Variants in ADAMTS6 observed in about 807,000 individuals in gnomAD.
ADAMTS6 encodes ADAM metallopeptidase with thrombospondin type 1 motif 6.
Under a neutral mutation model 144.3 loss-of-function variants are expected in ADAMTS6, and 23 were observed. The ratio of observed to expected loss-of-function variants is 0.16; its 90% CI spans 0.11 to 0.23. ADAMTS6 has a LOEUF of 0.23. ADAMTS6 is among the 10% of genes least tolerant of loss of function. The pLI is 1.00. For synonymous variants in ADAMTS6, 444 were observed against 457.5 expected, an observed-to-expected ratio of 0.97 and a Z score of 0.38; for missense variants, 999 against 1,379.6, an observed-to-expected ratio of 0.72 and a Z score of 4.37.
At chr5:65,421,860 A>G (rs187630831) in intron 7 of ADAMTS6, among the ~76,000 whole-genome samples, 24 of 152,368 alleles carry the variant, frequency 1.6e-4, no homozygotes, top group African/African-American at 5.3e-4. Context: ...TAAAATTTCT[A>G]GAAGAAAACC....
At chr5:65,468,622 C>T (rs543203339) in intron 3 of ADAMTS6, among the ~76,000 whole-genome samples, 3 of 152,182 alleles carry the variant, frequency 2.0e-5, no homozygotes, top group South Asian at 4.1e-4. Context: ...TTAGTTAACA[C>T]GGACCATACA....
chr5:65,409,146 G>T (rs375894119), intron 7 of ADAMTS6, among the ~76,000 whole-genome samples: 1 of 152,084 alleles, frequency 6.6e-6, no homozygotes, highest in Admixed American at 6.6e-5. Context: ...AAATAACTAA[G>T]ATCAGAGCAG....
chr5:65,316,506 T>A (rs1382019800), intron 9 of ADAMTS6, among the ~76,000 whole-genome samples: 1 of 152,144 alleles, frequency 6.6e-6, no homozygotes, highest in African/African-American at 2.4e-5. Flanking sequence ...ACATTGTATA[T>A]ATAAGTGAAA....
intron 7 of ADAMTS6, among the ~76,000 whole-genome samples, chr5:65,348,474 T>G (rs576001373): frequency 1.4e-4 from 21 of 152,060 alleles, no homozygotes; most frequent in Non-Finnish European, 2.9e-5. Context: ...AAGTAGAGAA[T>G]TGAATGGTGG....
chr5:65,445,659 A>G (rs141264833), intron 7 of ADAMTS6, among the ~76,000 whole-genome samples: 3 of 152,190 alleles, frequency 2.0e-5, no homozygotes, highest in Non-Finnish European at 4.4e-5. Context: ...TTCACTCTTA[A>G]AAGTGTCCCA....
intron 1 of ADAMTS6, among the ~76,000 whole-genome samples, chr5:65,476,225 C>T (rs13163495): frequency 0.057 from 8,556 of 151,354 alleles, 361 homozygotes; most frequent in East Asian, 0.11. Flanking sequence ...AATAGGTGAG[C>T]TTAGAAACAG....
chr5:65,317,181 GAGA>G (rs770915082), intron 9 of ADAMTS6, among the ~76,000 whole-genome samples: 142 of 152,238 alleles, frequency 9.3e-4, no homozygotes, highest in Non-Finnish European at 1.8e-3. Flanking sequence ...GAGTGAAAAG[GAGA>G]AGTAGACAAA....
At chr5:65,461,176 C>G (rs1388260021) in intron 3 of ADAMTS6, among the ~76,000 whole-genome samples, 1 of 152,176 alleles carries the variant, frequency 6.6e-6, no homozygotes, top group Non-Finnish European at 1.5e-5. Flanking sequence ...AAAACCTTCT[C>G]TAGTCCAAAT....
chr5:65,444,907 T>A (rs996381182), intron 7 of ADAMTS6, among the ~76,000 whole-genome samples: 4 of 152,220 alleles, frequency 2.6e-5, no homozygotes, highest in Non-Finnish European at 4.4e-5. Context: ...GCTTCAGCTC[T>A]CTCTTCTCCA....
At chr5:65,361,018 A>T (rs1561462789) in intron 7 of ADAMTS6, among the ~76,000 whole-genome samples, 1 of 152,164 alleles carries the variant, frequency 6.6e-6, no homozygotes, top group Non-Finnish European at 1.5e-5. Context: ...TGGATCCTCA[A>T]TATTATTTGT....
chr5:65,421,797 T>A (rs1184910895), intron 7 of ADAMTS6, among the ~76,000 whole-genome samples: 1 of 152,030 alleles, frequency 6.6e-6, no homozygotes, highest in Admixed American at 6.6e-5. Context: ...TCTCACTACA[T>A]AAAAAAATCA....
At chr5:65,443,593 A>G (rs1358039815) in intron 7 of ADAMTS6, among the ~76,000 whole-genome samples, 1 of 138,578 alleles carries the variant, frequency 7.2e-6, no homozygotes, top group Non-Finnish European at 1.5e-5. Flanking sequence ...ACTGCACTCC[A>G]GCCTAGGCAA....
At chr5:65,452,296 C>A in intron 5 of ADAMTS6, 80 bp from the exon 6 acceptor site, 2 of 1,236,758 alleles carry the variant, frequency 1.6e-6, no homozygotes. Flanking sequence ...AGTGCTAAAA[C>A]AATTTTTTAT....
chr5:65,362,660 T>C (rs1749935739), intron 7 of ADAMTS6, among the ~76,000 whole-genome samples: 1 of 152,218 alleles, frequency 6.6e-6, no homozygotes, highest in East Asian at 1.9e-4. Context: ...GTAAGTACCA[T>C]AATGGCAAGA....
At chr5:65,262,299 A>G (rs1761269685) in intron 13 of ADAMTS6, among the ~76,000 whole-genome samples, 1 of 152,228 alleles carries the variant, frequency 6.6e-6, no homozygotes. Flanking sequence ...AAGATGATTA[A>G]TGGGGGCATA....
chr5:65,210,532 C>A, intron 20 of ADAMTS6: 4 of 415,654 alleles, frequency 9.6e-6, no homozygotes, highest in South Asian at 5.0e-5. Flanking sequence ...CATTGATGTT[C>A]AACCAGGTGT....
chr5:65,259,579 T>C (rs1420611853), intron 14 of ADAMTS6, among the ~76,000 whole-genome samples: 1 of 152,094 alleles, frequency 6.6e-6, no homozygotes, highest in African/African-American at 2.4e-5. Flanking sequence ...TTAACAAGAG[T>C]ATTTCCATAG....
At chr5:65,160,653 A>ATTT (rs10644572) in intron 24 of ADAMTS6, among the ~76,000 whole-genome samples, 59,932 of 125,726 alleles carry the variant, frequency 0.48, 14,542 homozygotes, top group African/African-American at 0.58. Flanking sequence ...TCTTTCCTCC[A>ATTT]TTTTTTTTTT....
chr5:65,164,602 C>T (rs1323900306), intron 24 of ADAMTS6, among the ~76,000 whole-genome samples: 1 of 149,476 alleles, frequency 6.7e-6, no homozygotes, highest in Admixed American at 6.7e-5. Context: ...AAAAAGACAG[C>T]AGTAACCTCT....
Sources: allele counts gnomAD v4.1 joint callset (sites outside exome capture counted in the v4.1 genomes callset), GRCh38; gene constraint gnomAD v4.1.1; transcripts MANE v1.5; gene names NCBI Gene and HGNC (gene_info 2026-07-23, HGNC 2026-07-21).